The following CYP3A4 variants were observed in gnomAD, a reference collection of about 807,000 sequenced individuals.
CYP3A4 encodes cytochrome P450 3A4.
A neutral mutation model predicts 54.9 loss-of-function variants in CYP3A4; 41 were observed. The observed-to-expected ratio is 0.75, with a 90% CI of 0.58 to 0.97. The LOEUF (loss-of-function observed/expected upper bound fraction) is 0.97. CYP3A4 is among the 50% of genes least tolerant of loss of function. The pLI is 0.00. For missense variants in CYP3A4, 510 were observed against 597.3 expected (o/e 0.85, Z 1.52); for synonymous variants, 179 against 205.2 (o/e 0.87, Z 1.09).
At chr7:99,779,900 A>C in intron 2 of CYP3A4, 92 bp downstream of exon 2, 2 of 1,204,764 alleles carry the variant, frequency 1.7e-6, no homozygotes, top group Non-Finnish European at 2.4e-6. Flanking sequence ...AAAACTTCAG[A>C]CCTTCCCCCT....
chr7:99,778,069 C>T lies in CYP3A4; in HGVS notation c.177G>A (p.Met59Ile). 1 of 1,612,258 alleles carries T rather than the reference C, an allele frequency of 6.2e-7. No individual in the cohort carries two copies. The highest frequency in any genetic ancestry group is 1.7e-5 in the Admixed American group (1 of 59,908). ...NILSYHKGFC[M>I]FDMECHKKYG... ...ACTTTTTATGACATTCCATGTCAAACATACAAAAGCCCTGGGAGGAGAAAC... is the reference window on the plus strand; with the variant it reads ...ACTTTTTATGACATTCCATGTCAAATATACAAAAGCCCTGGGAGGAGAAAC... Residue 59 changes from methionine to isoleucine, a missense_variant, in exon 3 of 13, where the codon ATG (methionine) becomes ATA (isoleucine). Physicochemically the swap from Met to Ile is conservative, Grantham distance 10. Around this residue, in one of 2 missense-constraint regions of CYP3A4, gnomAD observed 272 missense variants for 274.9 expected, o/e 0.99. Transcript: ENST00000651514.
chr7:99,767,456 C>T (rs1349796106), intron 7 of CYP3A4, among the ~76,000 whole-genome samples, 198 bp from the exon 8 acceptor site: 1 of 152,164 alleles, frequency 6.6e-6, no homozygotes, highest in Non-Finnish European at 1.5e-5. Flanking sequence ...GCATAAGGAG[C>T]ACCGCTACAG....
chr7:99,782,293 G>A (rs751945071), intron 1 of CYP3A4, among the ~76,000 whole-genome samples: 1 of 152,194 alleles, frequency 6.6e-6, no homozygotes, highest in Non-Finnish European at 1.5e-5. Context: ...CAGAGGCTAG[G>A]CTGGGCAAAC....
intron 10 of CYP3A4, among the ~76,000 whole-genome samples, chr7:99,762,926 C>T (rs989758424): frequency 3.9e-5 from 6 of 152,216 alleles, no homozygotes; most frequent in Admixed American, 6.5e-5. Flanking sequence ...CGTGTCTCTT[C>T]ATACCACAAA....
chr7:99,762,411 A>G, intron 10 of CYP3A4, 144 bp from the exon 11 acceptor site: 1 of 1,183,970 alleles, frequency 8.4e-7, no homozygotes, highest in South Asian at 1.5e-5. Context: ...GTGTTTTAAT[A>G]ACTGTCATGC....
At chr7:99,761,271 T>G (rs1334701324) in intron 11 of CYP3A4, among the ~76,000 whole-genome samples, 5 of 152,226 alleles carry the variant, frequency 3.3e-5, no homozygotes, top group Admixed American at 3.3e-4. Context: ...GGTGGTGATG[T>G]GTCCACACTA....
intron 9 of CYP3A4, among the ~76,000 whole-genome samples, chr7:99,764,701 G>A (rs1482344152): frequency 1.3e-5 from 2 of 152,148 alleles, no homozygotes; most frequent in Non-Finnish European, 2.9e-5. Context: ...TGAGAAGCAC[G>A]GATTATATCT....
intron 11 of CYP3A4, 91 bp downstream of exon 11, chr7:99,761,950 C>A: frequency 6.3e-6 from 7 of 1,112,138 alleles, no homozygotes; most frequent in Non-Finnish European, 9.4e-6. Flanking sequence ...AATAATTATA[C>A]AACCACATGA....
chr7:99,772,624 A>C lies in CYP3A4; in HGVS notation c.284T>G (p.Val95Gly), dbSNP rs1815663022. 1 of 1,613,408 alleles carries C rather than the reference A, an allele frequency of 6.2e-7. No individual in the cohort carries two copies. Among genetic ancestry groups the C allele is most frequent in the Admixed American group, 1.7e-5 (1 of 59,990 alleles). Residue 95 changes from valine to glycine, a missense_variant, in exon 4 of 13, where the codon GTG becomes GGG. By Grantham distance (109) the Val-to-Gly change is moderately radical. Coordinates refer to ENST00000651514, the MANE Select transcript of CYP3A4 (RefSeq NM_017460.6). The stretch of plus-strand genomic sequence containing the variant: ...TGTGAAGACAGAATAACATTCTTTC[A>C]CTAGCACTGTTTTGATCATGTCAGG... ...TDPDMIKTVL[V>G]KECYSVFTNR... is the part of the protein sequence containing the mutation.
intron 3 of CYP3A4, 81 bp downstream of exon 3, chr7:99,777,947 G>C (rs1028249896): frequency 9.1e-7 from 1 of 1,093,008 alleles, no homozygotes; most frequent in South Asian, 1.3e-5. Context: ...AAGAGGCTTT[G>C]GGCTGAGACT....
rs1207105729 is a variant in CYP3A4 at position 99,767,338 on chromosome 7, C to G, written c.671-80G>C. 6 of 1,252,858 alleles carry G rather than the reference C, an allele frequency of 4.8e-6. No individual in the cohort carries two copies. The African/African-American group carries it at 7.5e-5, about 16-fold the overall frequency. The allele number at this position is 1,252,858 out of a possible 1,614,324, so 77.6% of individuals were successfully genotyped here. ...ATTTACCTGGAGCAATTCTAGTTTT[C>G]TCTACCAACCAGAAGAGTAAAAGAC... On this transcript the variant is annotated intron_variant, in intron 7 of 12. Transcript: ENST00000651514.
intron 4 of CYP3A4, among the ~76,000 whole-genome samples, chr7:99,771,915 CATACCTT>C (rs1292538935): frequency 6.6e-6 from 1 of 152,108 alleles, no homozygotes; most frequent in Non-Finnish European, 1.5e-5. Flanking sequence ...ATCTAAATCT[CATACCTT>C]ATACAAAAAA....
chr7:99,774,132 G>A (rs1180731738), intron 3 of CYP3A4, among the ~76,000 whole-genome samples: 1 of 152,134 alleles, frequency 6.6e-6, no homozygotes, highest in Non-Finnish European at 1.5e-5. Flanking sequence ...CCCCTCCCAA[G>A]ACTAAACCAG....
chr7:99,761,676 A>G (rs1248420264), intron 11 of CYP3A4, among the ~76,000 whole-genome samples: 6 of 152,228 alleles, frequency 3.9e-5, no homozygotes, highest in African/African-American at 1.4e-4. Context: ...TTTTTATTAA[A>G]ATGTTATTCC....
chr7:99,768,320 C>G (rs2687116), intron 7 of CYP3A4, 34 bp downstream of exon 7: 1 of 1,597,440 alleles, frequency 6.3e-7, no homozygotes, highest in East Asian at 2.2e-5. Context: ...TTTAAGAGAG[C>G]AAGATAAATA....
chr7:99,766,744 TTGAAA>T, intron 8 of CYP3A4: 1 of 422,676 alleles, frequency 2.4e-6, no homozygotes, highest in Non-Finnish European at 4.2e-6. Context: ...AGGTTTGTAC[TTGAAA>T]TGAGTCTTTA....
rs189840937 is a variant in CYP3A4, at chr7:99,769,045, G to A, written c.522-543C>T. Among the ~76,000 whole-genome samples, 2 of 152,246 alleles carry A rather than the reference G, an allele frequency of 1.3e-5. 1 individual carries two copies. Among genetic ancestry groups the A allele is most frequent in the Admixed American group, 1.3e-4 (2 of 15,294 alleles). On this transcript the variant is annotated intron_variant, in intron 6 of 12. Transcript: ENST00000651514. ...AAATTCCACTATCCCCAGCTGTGGTGAGCTGAGGTTGCCCTGACAGCAGAA... is the reference window on the plus strand; with the variant it reads ...AAATTCCACTATCCCCAGCTGTGGTAAGCTGAGGTTGCCCTGACAGCAGAA...
intron 6 of CYP3A4, among the ~76,000 whole-genome samples, chr7:99,768,744 G>A (rs560950657): frequency 6.6e-6 from 1 of 152,124 alleles, no homozygotes; most frequent in Non-Finnish European, 1.5e-5. Flanking sequence ...CTGAGATCAA[G>A]GAGCCCATCA....
intron 10 of CYP3A4, among the ~76,000 whole-genome samples, chr7:99,762,646 AAACAC>A (rs1474178955): frequency 6.6e-6 from 1 of 152,150 alleles, no homozygotes; most frequent in East Asian, 1.9e-4. Flanking sequence ...ATGTGGAGAG[AAACAC>A]TATATTATAT....
Sources: gnomAD v4.1 joint callset for allele counts (sites outside exome capture counted in the v4.1 genomes callset) on GRCh38, gnomAD v4.1.1 for gene constraint, gnomAD v4.1.1 regional missense constraint, MANE v1.5 for transcripts, NCBI Gene and HGNC (gene_info 2026-07-23, HGNC 2026-07-21) for gene names.